The following ATL2 variants were observed in gnomAD, a reference collection of about 807,000 sequenced individuals.
ATL2 encodes atlastin GTPase 2, also known as atlastin-2.
In ATL2, 31 loss-of-function variants were observed where a neutral mutation model predicts 73.9. The ratio of observed to expected loss-of-function variants is 0.42; its 90% CI spans 0.32 to 0.57. The LOEUF (loss-of-function observed/expected upper bound fraction) is 0.57. Ranked by LOEUF, ATL2 falls within the 20% of genes least tolerant of loss-of-function variation. The pLI, the probability that ATL2 is intolerant of heterozygous loss-of-function variation, is 0.14. For synonymous variants in ATL2, 291 were observed against 237.5 expected (o/e 1.23, Z -2.07); for missense variants, 738 against 702.6 (o/e 1.05, Z -0.57).
chr2:38,334,948 T>C (rs969056434), intron 2 of ATL2, among the ~76,000 whole-genome samples: 95 of 140,204 alleles, frequency 6.8e-4, no homozygotes, highest in Admixed American at 1.4e-3. Flanking sequence ...ATAACATTTA[T>C]ATAATAAATA....
intron 6 of ATL2, 116 bp downstream of exon 6, chr2:38,314,492 A>T (rs1390448098): frequency 1.2e-5 from 8 of 659,834 alleles, no homozygotes; most frequent in East Asian, 2.8e-5. Flanking sequence ...ATTGCACTGA[A>T]TCTGTTGCTA....
At chr2:38,348,638 A>G (rs1163432189) in intron 1 of ATL2, among the ~76,000 whole-genome samples, 3 of 150,302 alleles carry the variant, frequency 2.0e-5, no homozygotes, top group Admixed American at 6.6e-5. Context: ...AAGTTTAAGA[A>G]AAAAAAAAAA....
At chr2:38,332,705 A>C (rs1234618222) in intron 2 of ATL2, among the ~76,000 whole-genome samples, 1 of 152,130 alleles carries the variant, frequency 6.6e-6, no homozygotes, top group Non-Finnish European at 1.5e-5. Flanking sequence ...CACAAAACCC[A>C]CTTGTATAAC....
chr2:38,366,880 C>T (rs577981070), intron 1 of ATL2, among the ~76,000 whole-genome samples: 1 of 152,284 alleles, frequency 6.6e-6, no homozygotes, highest in African/African-American at 2.4e-5. Context: ...TTGCCTGTCC[C>T]ATTCCGGCCT....
intron 1 of ATL2, among the ~76,000 whole-genome samples, chr2:38,353,383 C>G (rs1036402441): frequency 6.6e-6 from 1 of 151,902 alleles, no homozygotes; most frequent in African/African-American, 2.4e-5. Context: ...GCAAAGAGAT[C>G]AAAAGAGATT....
chr2:38,369,461 T>C (rs1573597647), intron 1 of ATL2, among the ~76,000 whole-genome samples: 1 of 151,458 alleles, frequency 6.6e-6, no homozygotes, highest in South Asian at 2.1e-4. Context: ...AATAAATAAA[T>C]TTTTTTAGTA....
chr2:38,337,280 T>C (rs960128324), intron 2 of ATL2, among the ~76,000 whole-genome samples: 6 of 150,490 alleles, frequency 4.0e-5, no homozygotes, highest in Non-Finnish European at 8.9e-5. Flanking sequence ...AGGTCAGGAG[T>C]TCCATACCAG....
intron 1 of ATL2, among the ~76,000 whole-genome samples, chr2:38,357,450 A>T (rs1048313199): frequency 4.2e-5 from 6 of 142,774 alleles, no homozygotes; most frequent in Non-Finnish European, 7.7e-5. Flanking sequence ...GGGATTAAGG[A>T]AAAAAAAAAA....
intron 7 of ATL2, among the ~76,000 whole-genome samples, chr2:38,312,480 G>A (rs1218425744): frequency 1.3e-5 from 2 of 152,022 alleles, no homozygotes; most frequent in African/African-American, 2.4e-5. Context: ...GGAGGCCGAG[G>A]TAGGCCGATC....
chr2:38,349,085 C>G (rs1382030267), intron 1 of ATL2, among the ~76,000 whole-genome samples: 3 of 150,780 alleles, frequency 2.0e-5, no homozygotes, highest in Non-Finnish European at 3.0e-5. Context: ...GGACTGTAAA[C>G]TAGTTCAACC....
intron 2 of ATL2, among the ~76,000 whole-genome samples, chr2:38,338,104 G>C: frequency 6.6e-6 from 1 of 152,106 alleles, no homozygotes; most frequent in East Asian, 1.9e-4. Flanking sequence ...ATTTCACTTT[G>C]AAAAGGTTTA....
intron 9 of ATL2, among the ~76,000 whole-genome samples, chr2:38,301,859 G>A (rs994744458): frequency 2.0e-5 from 3 of 152,296 alleles, no homozygotes; most frequent in Non-Finnish European, 4.4e-5. Context: ...GGGCAGCCAA[G>A]GGACTGCTAG....
intron 2 of ATL2, among the ~76,000 whole-genome samples, chr2:38,327,540 C>CAAAAAAAAAAAAAAAAAAAAAGAA (rs56332855): frequency 1.1e-5 from 1 of 89,964 alleles, no homozygotes; most frequent in East Asian, 3.9e-4. Context: ...AAAAAAAGTA[C>CAAAAAAAAAAAAAAAAAAAAAGAA]AAAAAAAAAA....
rs1304156500 is a variant in ATL2 at position 38,331,005 on chromosome 2, T to C, written c.364-11986A>G. Reference sequence around the variant, plus strand: ...AGTAGTGAAGACAGCGTGATACTGGTATAAGAACAAGACATGGCCGGGCGT... The same window carrying C: ...AGTAGTGAAGACAGCGTGATACTGGCATAAGAACAAGACATGGCCGGGCGT... On this transcript the variant is annotated intron_variant, in intron 2 of 12. Transcript: ENST00000378954. Among the ~76,000 whole-genome samples, 6 of 152,178 alleles carry C rather than the reference T, an allele frequency of 3.9e-5. No individual in the cohort carries two copies. In the South Asian group the frequency reaches 1.2e-3, roughly 32 times the overall value.
intron 2 of ATL2, among the ~76,000 whole-genome samples, chr2:38,336,302 G>A (rs547096368): frequency 6.6e-6 from 1 of 152,242 alleles, no homozygotes; most frequent in African/African-American, 2.4e-5. Flanking sequence ...TTTTACTCCT[G>A]GTCTCTGGCA....
intron 2 of ATL2, among the ~76,000 whole-genome samples, chr2:38,335,515 G>A (rs1363687746): frequency 6.6e-6 from 1 of 152,168 alleles, no homozygotes; most frequent in Non-Finnish European, 1.5e-5. Context: ...TTACATTTAT[G>A]TGAAGTTCTA....
intron 1 of ATL2, chr2:38,376,257 G>C: frequency 7.1e-7 from 1 of 1,411,210 alleles, no homozygotes; most frequent in South Asian, 1.5e-5. Context: ...TATAAATAGG[G>C]GTGTTATGAG....
intron 1 of ATL2, among the ~76,000 whole-genome samples, chr2:38,359,875 C>T (rs1670903683): frequency 6.6e-6 from 1 of 152,022 alleles, no homozygotes; most frequent in South Asian, 2.1e-4. Context: ...CGCCTGTAAT[C>T]CTAGCCCTTT....
chr2:38,369,750 C>T (rs1386018308), intron 1 of ATL2, among the ~76,000 whole-genome samples: 1 of 151,976 alleles, frequency 6.6e-6, no homozygotes, highest in Admixed American at 6.6e-5. Context: ...AATTAAAGTG[C>T]TGATAAAAAG....
Sources: allele counts gnomAD v4.1 joint callset (sites outside exome capture counted in the v4.1 genomes callset), GRCh38; gene constraint gnomAD v4.1.1; transcripts MANE v1.5; gene names NCBI Gene and HGNC (gene_info 2026-07-23, HGNC 2026-07-21).